Variants in HIGD1B observed in about 807,000 individuals in gnomAD.
HIGD1B encodes HIG1 domain family member 1B.
A neutral mutation model predicts 8.8 loss-of-function variants in HIGD1B; 9 were observed. That is an observed-to-expected ratio of 1.02 (90% CI 0.62 to 1.78). The LOEUF is 1.78. HIGD1B is among the 40% of genes most tolerant of loss of function. The pLI is 0.00. For missense variants in HIGD1B, 126 were observed against 111.8 expected (o/e 1.13, Z -0.57); for synonymous variants, 47 against 38.8 (o/e 1.21, Z -0.78).
At position 44,849,405 on chromosome 17, in the gene HIGD1B, G is replaced by C; in HGVS notation, c.235+17G>C. On this transcript the variant is annotated intron_variant, in intron 2 of 2. Coordinates refer to ENST00000253410, the MANE Select transcript of HIGD1B (RefSeq NM_016438.4). ...TCATGCTAGGTGAGTAGCTTTGTGG[G>C]GTCGCAGAATGAGGGCAAAACCGAT... The C allele has an allele frequency of 6.2e-7, 1 of 1,613,296 alleles. No individual in the cohort carries two copies. Among genetic ancestry groups the C allele is most frequent in the Non-Finnish European group, 8.5e-7 (1 of 1,179,590 alleles).
intron 2 of HIGD1B, among the ~76,000 whole-genome samples, chr17:44,849,679 G>A (rs1269182354): frequency 2.8e-5 from 4 of 144,402 alleles, no homozygotes; most frequent in Non-Finnish European, 6.0e-5. Flanking sequence ...AGAATTGCTT[G>A]AACCTGGGAG....
chr17:44,847,229 C>T (rs538598584), upstream of HIGD1B, among the ~76,000 whole-genome samples: 4 of 151,806 alleles, frequency 2.6e-5, no homozygotes, highest in South Asian at 2.1e-4. Flanking sequence ...GTCAGGAGAT[C>T]GAGACCATCC....
At chr17:44,850,114 A>AATACATGTGAAAGTGTTTCG in intron 2 of HIGD1B, 1 of 503,610 alleles carries the variant, frequency 2.0e-6, no homozygotes, top group Non-Finnish European at 3.6e-6. Context: ...TCAGATACAC[A>AATACATGTGAAAGTGTTTCG]ATACATGTGA....
chr17:44,847,099 T>G (rs1249891830), upstream of HIGD1B, among the ~76,000 whole-genome samples: 2 of 151,540 alleles, frequency 1.3e-5, no homozygotes. Context: ...ATGGCACCAC[T>G]GCACTCCAGC....
chr17:44,845,415 T>C (rs909994722), upstream of HIGD1B, among the ~76,000 whole-genome samples: 1 of 152,096 alleles, frequency 6.6e-6, no homozygotes, highest in Non-Finnish European at 1.5e-5. Flanking sequence ...CCCAGTACTT[T>C]GGGAGGCCAG....
upstream of HIGD1B, chr17:44,847,831 C>T (rs1488255355): frequency 1.5e-5 from 3 of 201,110 alleles, no homozygotes; most frequent in Non-Finnish European, 3.0e-5. Flanking sequence ...TTTCTTGGCC[C>T]AAGGATCACA....
chr17:44,850,337 G>A lies in HIGD1B; in HGVS notation c.241G>A (p.Val81Met). ...ATTTCTTTTCTCTCACACAGGTGCT[G>A]TGTACACAATGTACAGCGATTACGT... ...CAVGAIMLGA[V>M]YTMYSDYVKR... Residue 81 changes from valine to methionine, a missense_variant, in exon 3 of 3, where the codon GTG becomes ATG. Val to Met is a conservative substitution (Grantham distance 21, BLOSUM62 1). Coordinates refer to ENST00000253410, the MANE Select transcript of HIGD1B (RefSeq NM_016438.4). 1 of 1,612,282 alleles carries A rather than the reference G, an allele frequency of 6.2e-7. No homozygotes were observed. The highest frequency in any genetic ancestry group is 2.2e-5 in the East Asian group (1 of 44,872).
In HIGD1B at chr17:44,849,307, C is replaced by T. The variant is rs559592422; in HGVS notation, c.154C>T (p.Arg52Cys). The T allele has an allele frequency of 1.2e-5, 19 of 1,614,098 alleles. No homozygotes were observed. The highest frequency in any genetic ancestry group is 1.1e-4 in the East Asian group (5 of 44,870). The part of the protein sequence containing the change: ...AAYRIYRLRS[R>C]GSTKMSIHLI... Reference sequence around the variant, plus strand: ...ATACAGGATTTACCGGCTGAGGTCTCGTGGTTCCACCAAGATGTCCATACA... The same window carrying T: ...ATACAGGATTTACCGGCTGAGGTCTTGTGGTTCCACCAAGATGTCCATACA... The change falls in exon 2 of 3, where the codon CGT (arginine) becomes TGT (cysteine). Residue 52 changes from arginine to cysteine, a missense_variant. Transcript: ENST00000253410.
chr17:44,849,086 T>C (rs1306192292), intron 1 of HIGD1B, 168 bp from the exon 2 acceptor site: 16 of 680,116 alleles, frequency 2.4e-5, no homozygotes, highest in Middle Eastern at 4.3e-4. Context: ...AACAACTCAA[T>C]ATTCTAATGA....
At chr17:44,848,799 T>C (rs2050365225) in intron 1 of HIGD1B, among the ~76,000 whole-genome samples, 1 of 152,044 alleles carries the variant, frequency 6.6e-6, no homozygotes, top group African/African-American at 2.4e-5. Context: ...ATTTTTGAGA[T>C]GGAGTTTCAC....
chr17:44,847,021 C>T (rs950608079), upstream of HIGD1B, among the ~76,000 whole-genome samples: 1 of 151,954 alleles, frequency 6.6e-6, no homozygotes, highest in African/African-American at 2.4e-5. Context: ...GTAATCCCAG[C>T]TACTTGGGAG....
chr17:44,850,099 G>T lies in HIGD1B; in HGVS notation c.236-233G>T, dbSNP rs541314954. 3 of 442,534 alleles carry T rather than the reference G, an allele frequency of 6.8e-6. No homozygotes were observed. In the Admixed American group the frequency reaches 1.0e-4, roughly 15 times the overall value. 27.4% of individuals were successfully genotyped at this position (442,534 alleles called of 1,614,324 possible). On this transcript the variant is annotated intron_variant, in intron 2 of 2. Coordinates refer to ENST00000253410, the MANE Select transcript of HIGD1B (RefSeq NM_016438.4). ...TGCCTACCTTGCAGGCTGCTGTGAG[G>T]TTTCTCAGATACACAATACATGTGA... is the stretch of plus-strand genomic sequence containing the variant.
intron 1 of HIGD1B, 159 bp from the exon 2 acceptor site, chr17:44,849,095 G>A: frequency 1.4e-6 from 1 of 721,062 alleles, no homozygotes; most frequent in Non-Finnish European, 2.2e-6. Context: ...ATATTCTAAT[G>A]ATCCCCCTAG....
chr17:44,850,250 G>C, intron 2 of HIGD1B, 82 bp from the exon 3 acceptor site: 1 of 1,090,244 alleles, frequency 9.2e-7, no homozygotes, highest in Non-Finnish European at 1.4e-6. Context: ...GCAGCTAGAG[G>C]TGAACCCCTA....
chr17:44,850,304 G>A (rs1172595325), intron 2 of HIGD1B, 28 bp from the exon 3 acceptor site: 6 of 1,593,496 alleles, frequency 3.8e-6, no homozygotes, highest in Non-Finnish European at 4.3e-6. Flanking sequence ...TTGATGCCAA[G>A]GGGCATTATT....
At chr17:44,849,507 A>T in intron 2 of HIGD1B, 119 bp downstream of exon 2, 1 of 1,199,534 alleles carries the variant, frequency 8.3e-7, no homozygotes, top group Non-Finnish European at 1.2e-6. Context: ...CACGCCTGTA[A>T]TCTCAACACT....
chr17:44,849,113 G>C, intron 1 of HIGD1B, 141 bp from the exon 2 acceptor site: 7 of 808,564 alleles, frequency 8.7e-6, no homozygotes, highest in African/African-American at 1.7e-5. Context: ...TAGGTCCCCC[G>C]CAACGCCCAC....
Position 44,848,259 on chromosome 17 carries a change from G to A in HIGD1B, c.100+7G>A. The A allele has an allele frequency of 1.1e-6, 1 of 872,302 alleles. No individual in the cohort carries two copies. Among genetic ancestry groups the A allele is most frequent in the Non-Finnish European group, 2.0e-6 (1 of 501,220 alleles). 54.0% of individuals were successfully genotyped at this position (872,302 alleles called of 1,614,324 possible). On this transcript the variant is annotated splice_region_variant and intron_variant, in intron 1 of 2. Transcript: ENST00000253410. ...TCTCCACTGGTGCCTATAGGTAAGT[G>A]AAGAAAGGAATGGGGTGCCGAGTAG...
At chr17:44,845,602 G>C (rs568464372), upstream of HIGD1B, among the ~76,000 whole-genome samples, 1 of 152,114 alleles carries the variant, frequency 6.6e-6, no homozygotes, top group South Asian at 2.1e-4. Context: ...CTGGGTGACA[G>C]AGGGAGACCC....
Sources: allele counts gnomAD v4.1 joint callset (sites outside exome capture counted in the v4.1 genomes callset), GRCh38; gene constraint gnomAD v4.1.1; transcripts MANE v1.5; gene names NCBI Gene and HGNC (gene_info 2026-07-23, HGNC 2026-07-21).